Variants in LIG3 observed in about 807,000 individuals in gnomAD.
LIG3 encodes DNA ligase 3, also known as ligase II, DNA, ATP-dependent.
A neutral mutation model predicts 110.9 loss-of-function variants in LIG3; 58 were observed. The observed-to-expected ratio is 0.52, with a 90% confidence interval of 0.42 to 0.65. The LOEUF is 0.65. Among genes scored for constraint, LIG3 ranks in the 30% least tolerant of loss-of-function variants. LIG3 has a pLI of 0.00. For synonymous variants in LIG3, 422 were observed against 472.8 expected (o/e 0.89, Z 1.39); for missense variants, 1,094 against 1,273.8 (o/e 0.86, Z 2.15).
rs563672726 is a variant in LIG3, at chr17:34,989,903, C to T, written c.889+240C>T. 10 of 522,608 alleles carry T rather than the reference C, an allele frequency of 1.9e-5. No individual in the cohort carries two copies. In the East Asian group the frequency reaches 3.3e-4, roughly 17 times the overall value. 32.4% of individuals were successfully genotyped at this position (522,608 alleles called of 1,614,324 possible). On this transcript the variant is annotated intron_variant, in intron 4 of 19. Coordinates refer to ENST00000378526, the MANE Select transcript of LIG3 (RefSeq NM_013975.4). ...AGAGCACTTTGGCATCTGTCTTCCT[C>T]TCCCCTTATTCTGCTCCTAGGAGGC...
intron 2 of LIG3, among the ~76,000 whole-genome samples, chr17:34,985,328 G>C (rs1388202751): frequency 6.6e-6 from 1 of 152,060 alleles, no homozygotes; most frequent in African/African-American, 2.4e-5. Context: ...GTTAACAATG[G>C]CTCTAAAAAT....
intron 4 of LIG3, among the ~76,000 whole-genome samples, chr17:34,990,062 C>T (rs1001894433): frequency 2.0e-5 from 3 of 152,158 alleles, no homozygotes; most frequent in Non-Finnish European, 4.4e-5. Context: ...AACAAATTGT[C>T]GATGAGCATC....
rs749347162 is a variant in LIG3, at chr17:34,999,759, A to C, written c.2257-23A>C. ...CTTGTTCCAGGTTGGGAACAGCCCA[A>C]AGTAGCATCTTTTCTCCTCTAGGAC... On this transcript the variant is annotated intron_variant, in intron 15 of 19. Coordinates refer to ENST00000378526, the MANE Select transcript of LIG3 (RefSeq NM_013975.4). The C allele has an allele frequency of 1.9e-6, 3 of 1,607,658 alleles. No individual in the cohort carries two copies. The Middle Eastern group carries it at 5.0e-4, about 266-fold the overall frequency.
rs532909808 is a variant in LIG3, at chr17:35,002,561, C to A, written c.2675-107C>A. On this transcript the variant is annotated intron_variant, in intron 18 of 19. Transcript: ENST00000378526. ...TCATCCAGGCTGGAGTGCAGTGGCA[C>A]GACCATAGCTCACTGCAGCCTCGAA... 18 of 1,221,880 alleles carry A rather than the reference C, an allele frequency of 1.5e-5. No homozygotes were observed. In the East Asian group the frequency reaches 3.9e-4, roughly 27 times the overall value. 75.7% of individuals were successfully genotyped at this position (1,221,880 alleles called of 1,614,324 possible). A position where few individuals can be genotyped will look rare whatever the true frequency, so the allele number is the denominator to read the frequency against.
rs975585315 is a variant in LIG3, at chr17:35,006,356, T to C, written c.*1850T>C. 2.6e-5 allele frequency: 4 copies of C among 153,022 alleles called. No individual in the cohort carries two copies. The highest frequency in any genetic ancestry group is 5.8e-5 in the Non-Finnish European group (4 of 68,700). 9.5% of individuals were successfully genotyped at this position (153,022 alleles called of 1,614,324 possible). A position where few individuals can be genotyped will look rare whatever the true frequency, so the allele number is the denominator to read the frequency against. On this transcript the variant is annotated 3_prime_UTR_variant, in exon 20 of 20. Coordinates refer to ENST00000378526, the MANE Select transcript of LIG3 (RefSeq NM_013975.4). ...CACTAGTGACTACCACACTGGACAG[T>C]GCAGGTGTAGACGGAGTTCAGATCA...
chr17:35,010,709 A>T (rs573655084), downstream of LIG3: 4 of 149,264 alleles, frequency 2.7e-5, no homozygotes, highest in Non-Finnish European at 5.9e-5. Context: ...CCAAGACTGT[A>T]CCACTGCACT....
At chr17:34,989,930 A>G (rs1447138046) in intron 4 of LIG3, 2 of 453,580 alleles carry the variant, frequency 4.4e-6, no homozygotes, top group East Asian at 3.8e-5. Context: ...CTAGGAGGCC[A>G]GAAGAACCCA....
chr17:35,004,368 G>A lies in LIG3; in HGVS notation c.2892G>A (p.Gly964=). ...RLRRYFVAFD[G]DLVQEFDMTS... ...GACGCTACTTTGTGGCATTCGACGG[G>A]GACCTGGTACAGGAATTTGATATGA... Residue 964 remains glycine, a synonymous_variant, in exon 20 of 20, where the codon GGG becomes GGA. Transcript: ENST00000378526. The A allele has an allele frequency of 6.2e-7, 1 of 1,614,208 alleles. No homozygotes were observed. Among genetic ancestry groups the A allele is most frequent in the South Asian group, 1.1e-5 (1 of 91,086 alleles).
In LIG3 at chr17:34,998,672, G is replaced by A. The variant is rs1219951756; in HGVS notation, c.2058G>A (p.Met686Ile). 6.2e-7 allele frequency: 1 copy of A among 1,614,202 alleles called. No individual in the cohort carries two copies. Among genetic ancestry groups the A allele is most frequent in the South Asian group, 1.1e-5 (1 of 91,076 alleles). The change falls in exon 14 of 20, where the codon ATG becomes ATA. Residue 686 changes from methionine (M) to isoleucine (I), a missense_variant. By Grantham distance (10) the Met-to-Ile change is conservative (BLOSUM62 1). Transcript: ENST00000378526. The stretch of plus-strand genomic sequence containing the variant: ...AAGACTATTTGAACGAGGGGGCCAT[G>A]GCCGACACAGCTGACCTGGTGGTCC... ...VKKDYLNEGAMADTADLVVLG... is the reference protein window; with the variant it reads ...VKKDYLNEGAIADTADLVVLG...
intron 6 of LIG3, 44 bp from the exon 7 acceptor site, chr17:34,991,914 C>G (rs1408686124): frequency 6.2e-7 from 1 of 1,613,582 alleles, no homozygotes; most frequent in Admixed American, 1.7e-5. Context: ...CCTTGGGGTT[C>G]CAGAGCTCTT....
intron 9 of LIG3, 150 bp from the exon 10 acceptor site, chr17:34,995,914 C>A: frequency 1.1e-6 from 1 of 922,852 alleles, no homozygotes; most frequent in Non-Finnish European, 1.6e-6. Context: ...CCAGGTGGCT[C>A]GCAAGGCCTA....
intron 19 of LIG3, 75 bp downstream of exon 19, chr17:35,002,864 G>A: frequency 6.3e-7 from 1 of 1,575,724 alleles, no homozygotes; most frequent in Non-Finnish European, 8.6e-7. Context: ...TGTACAAGAA[G>A]TTTGAAAGAG....
intron 19 of LIG3, 110 bp downstream of exon 19, chr17:35,002,899 A>G (rs1410420054): frequency 1.3e-6 from 2 of 1,595,462 alleles, no homozygotes; most frequent in Admixed American, 1.7e-5. Flanking sequence ...TTTGGGGAAC[A>G]TCGGCTAAAC....
chr17:34,999,996 G>A, intron 16 of LIG3, 140 bp downstream of exon 16: 1 of 636,924 alleles, frequency 1.6e-6, no homozygotes, highest in Non-Finnish European at 2.8e-6. Flanking sequence ...GATAGGCACA[G>A]GGACAACCAG....
rs375870647 is a variant in LIG3 at position 34,992,728 on chromosome 17, C to T, written c.1455+36C>T. On this transcript the variant is annotated intron_variant, in intron 8 of 19. Coordinates refer to ENST00000378526, the MANE Select transcript of LIG3 (RefSeq NM_013975.4). Reference sequence around the variant, plus strand: ...CTCCCCTGCCTCTGCTTTCCAGCCTCTCCAAGCTCCACATCCTTTGGGCTG... The same window carrying T: ...CTCCCCTGCCTCTGCTTTCCAGCCTTTCCAAGCTCCACATCCTTTGGGCTG... 23 of 1,524,540 alleles carry T rather than the reference C, an allele frequency of 1.5e-5. No homozygotes were observed. The African/African-American group carries it at 2.5e-4, about 17-fold the overall frequency. 94.4% of individuals were successfully genotyped at this position (1,524,540 alleles called of 1,614,324 possible).
At position 35,005,140 on chromosome 17, in the gene LIG3, G is replaced by A; in HGVS notation, c.*634G>A. On this transcript the variant is annotated 3_prime_UTR_variant, in exon 20 of 20. Coordinates refer to ENST00000378526, the MANE Select transcript of LIG3 (RefSeq NM_013975.4). ...GGACTAGGGTCAGGTAGGAAAATGG[G>A]GCCTTTATGAAGAAAGGGGAGGTTA... 1 of 358,300 alleles carries A rather than the reference G, an allele frequency of 2.8e-6. No homozygotes were observed. The highest frequency in any genetic ancestry group is 2.2e-5 in the South Asian group (1 of 46,100). 22.2% of individuals were successfully genotyped at this position (358,300 alleles called of 1,614,324 possible). A position where few individuals can be genotyped will look rare whatever the true frequency, so the allele number is the denominator to read the frequency against.
intron 8 of LIG3, among the ~76,000 whole-genome samples, chr17:34,993,992 GT>G (rs1320856088): frequency 6.6e-6 from 1 of 152,160 alleles, no homozygotes; most frequent in Non-Finnish European, 1.5e-5. Context: ...ATTAAATCTT[GT>G]TTCACTGGGC....
intron 5 of LIG3, 32 bp from the exon 6 acceptor site, chr17:34,991,639 T>G: frequency 6.8e-6 from 11 of 1,609,876 alleles, no homozygotes; most frequent in Non-Finnish European, 9.3e-6. Flanking sequence ...ACCCTAGGGT[T>G]GCAGCAGTGG....
chr17:35,010,114 TTTAGTGG>T, downstream of LIG3: 3 of 152,236 alleles, frequency 2.0e-5, no homozygotes, highest in Middle Eastern at 0.01. Context: ...TCCAAAGGGG[TTTAGTGG>T]TTGGTGATGG....
Sources: allele counts gnomAD v4.1 joint callset (sites outside exome capture counted in the v4.1 genomes callset), GRCh38; gene constraint gnomAD v4.1.1; transcripts MANE v1.5; gene names NCBI Gene and HGNC (gene_info 2026-07-23, HGNC 2026-07-21).